CHD1L: variants seen among roughly 807,000 people sequenced by gnomAD.
CHD1L encodes chromodomain helicase DNA binding protein 1 like, also known as ATP-dependent chromatin remodeler CHD1L.
A neutral mutation model predicts 115.9 loss-of-function variants in CHD1L; 118 were observed. That is an observed-to-expected ratio of 1.02 (90% confidence interval 0.88 to 1.19). The LOEUF (loss-of-function observed/expected upper bound fraction) is 1.19. Ranked by LOEUF, CHD1L falls within the 50% of genes most tolerant of loss-of-function variation. The probability of loss-of-function intolerance (pLI) is 0.00; values close to 1 mark genes in which losing one functional copy is unlikely to be tolerated. For synonymous variants in CHD1L, 411 were observed against 387.1 expected, an observed-to-expected ratio of 1.06 and a Z score of -0.72; for missense variants, 1,179 against 1,065.3, an observed-to-expected ratio of 1.11 and a Z score of -1.49.
chr1:147,215,927 C>T, the CHD1L span: 1 of 1,605,096 alleles, frequency 6.2e-7, no homozygotes. Flanking sequence ...CTGGCCCTTC[C>T]TTCTTCAGGA....
At chr1:147,246,261 A>G (rs1559720363) in intron 1 of CHD1L, among the ~76,000 whole-genome samples, 1 of 152,226 alleles carries the variant, frequency 6.6e-6, no homozygotes, top group African/African-American at 2.4e-5. Context: ...AGTACTCCAC[A>G]GCACAGTATA....
chr1:147,215,277 T>C, the CHD1L span: 1 of 152,290 alleles, frequency 6.6e-6, no homozygotes, highest in Non-Finnish European at 1.5e-5. Context: ...AATTCCATGT[T>C]CTCCCCTCTA....
At chr1:147,288,905 A>C (rs1684437028) in intron 19 of CHD1L, among the ~76,000 whole-genome samples, 2 of 152,178 alleles carry the variant, frequency 1.3e-5, no homozygotes, top group South Asian at 2.1e-4. Flanking sequence ...TTTTACATCC[A>C]GAAATAACAA....
At chr1:147,217,303 G>T in the CHD1L span, among the ~76,000 whole-genome samples, 2 of 151,896 alleles carry the variant, frequency 1.3e-5, no homozygotes, top group Non-Finnish European at 2.9e-5. Context: ...CATTGTTGTG[G>T]TGATCACATA....
chr1:147,223,969 G>T, the CHD1L span: 1 of 403,224 alleles, frequency 2.5e-6, no homozygotes, highest in South Asian at 1.9e-5. Flanking sequence ...TTCCAGCAGG[G>T]GTTAACACAA....
At chr1:147,285,152 A>G (rs904853221) in intron 16 of CHD1L, among the ~76,000 whole-genome samples, 172 bp from the exon 17 acceptor site, 1 of 152,236 alleles carries the variant, frequency 6.6e-6, no homozygotes, top group African/African-American at 2.4e-5. Context: ...AGTGTGTAGT[A>G]TGAACAGTGC....
chr1:147,232,645 C>A, the CHD1L span, among the ~76,000 whole-genome samples: 1 of 151,702 alleles, frequency 6.6e-6, no homozygotes, highest in East Asian at 1.9e-4. Flanking sequence ...ATTGCAGGCA[C>A]GCGCCGCCAC....
chr1:147,249,114 G>A (rs2354429), intron 1 of CHD1L, among the ~76,000 whole-genome samples: 23,730 of 152,020 alleles, frequency 0.16, 2,545 homozygotes, highest in East Asian at 0.44. Context: ...GGGTAGGTTT[G>A]TTGATGATAA....
the CHD1L span, chr1:147,212,499 C>A: frequency 3.7e-6 from 6 of 1,613,686 alleles, no homozygotes; most frequent in East Asian, 2.2e-5. Context: ...CTTATAGTCT[C>A]GACTGTGGAA....
chr1:147,179,650 G>A, the CHD1L span: 15 of 1,296,008 alleles, frequency 1.2e-5, no homozygotes, highest in East Asian at 4.6e-5. Context: ...ACACCACTTT[G>A]TAAAAGGACT....
rs192530056 is a variant in CHD1L at position 147,268,307 on chromosome 1, C to T, written c.989-475C>T. On this transcript the variant is annotated intron_variant, in intron 9 of 22. Coordinates refer to ENST00000369258, the MANE Select transcript of CHD1L (RefSeq NM_004284.6). ...GCAAGCACTCCTGTGGCCATGGAGACTCTAGATAGGATCAGTACAGAGGGC... is the reference window on the plus strand; with the variant it reads ...GCAAGCACTCCTGTGGCCATGGAGATTCTAGATAGGATCAGTACAGAGGGC... 7.6e-4 allele frequency among the ~76,000 whole-genome samples: 116 copies of T among 152,244 alleles called. 1 individual carries two copies. The highest frequency in any genetic ancestry group is 3.4e-3 in the Middle Eastern group (1 of 294).
chr1:147,266,891 C>T (rs587702151), intron 8 of CHD1L, among the ~76,000 whole-genome samples: 10 of 152,106 alleles, frequency 6.6e-5, no homozygotes, highest in African/African-American at 2.4e-4. Flanking sequence ...TTTTACTGTG[C>T]CAAATTAAAC....
chr1:147,204,644 C>T, the CHD1L span: 26 of 1,585,756 alleles, frequency 1.6e-5, no homozygotes, highest in Non-Finnish European at 2.2e-5. Flanking sequence ...CCATCTCCAA[C>T]TTCTTGCTCT....
chr1:147,186,690 G>A, the CHD1L span: 11 of 1,385,952 alleles, frequency 7.9e-6, no homozygotes, highest in Non-Finnish European at 1.0e-5. Context: ...CCACAAGGAA[G>A]AGTGACGGAT....
At chr1:147,237,355 G>A in the CHD1L span, among the ~76,000 whole-genome samples, 5 of 152,130 alleles carry the variant, frequency 3.3e-5, no homozygotes, top group Non-Finnish European at 7.4e-5. Flanking sequence ...TGGGGCTCCT[G>A]CCTGCTCCAG....
At chr1:147,260,199 C>T (rs1481596778) in intron 6 of CHD1L, 6 of 266,704 alleles carry the variant, frequency 2.2e-5, no homozygotes, top group African/African-American at 1.3e-4. Context: ...CGGGTTCACT[C>T]TTGGTGGTGT....
chr1:147,255,048 A>G (rs966107519), intron 3 of CHD1L, 72 bp downstream of exon 3: 5 of 1,142,746 alleles, frequency 4.4e-6, no homozygotes, highest in African/African-American at 1.6e-5. Flanking sequence ...GATGTATAAA[A>G]TATGATAAAA....
chr1:147,271,086 A>C, intron 11 of CHD1L, 81 bp downstream of exon 11: 2 of 1,146,780 alleles, frequency 1.7e-6, no homozygotes, highest in Non-Finnish European at 2.6e-6. Flanking sequence ...ATAATATGGG[A>C]TATGAGAATA....
chr1:147,284,225 T>C, intron 15 of CHD1L, 126 bp from the exon 16 acceptor site: 1 of 672,986 alleles, frequency 1.5e-6, no homozygotes, highest in East Asian at 2.9e-5. Context: ...ATACCTTCCT[T>C]CATATGGACT....
Sources: allele counts gnomAD v4.1 joint callset (sites outside exome capture counted in the v4.1 genomes callset), GRCh38; gene constraint gnomAD v4.1.1; transcripts MANE v1.5; gene names NCBI Gene and HGNC (gene_info 2026-07-23, HGNC 2026-07-21).